Variants in MEIKIN observed in about 807,000 individuals in gnomAD.
MEIKIN encodes the protein meiotic kinetochore factor.
At chr5:131,855,072 C>A (rs1450151254) in intron 9 of MEIKIN, among the ~76,000 whole-genome samples, 3 of 152,030 alleles carry the variant, frequency 2.0e-5, no homozygotes, top group African/African-American at 7.2e-5. Flanking sequence ...TATGAGAATA[C>A]CTTGGTTGAA....
intron 5 of MEIKIN, among the ~76,000 whole-genome samples, chr5:131,928,049 C>A (rs1561757588): frequency 6.7e-6 from 1 of 149,438 alleles, no homozygotes; most frequent in African/African-American, 2.5e-5. Context: ...GAGGCTGAGG[C>A]AGGAGAATGG....
intron 11 of MEIKIN, among the ~76,000 whole-genome samples, chr5:131,835,232 ATG>A (rs1749785535): frequency 7.4e-6 from 1 of 134,600 alleles, no homozygotes; most frequent in Admixed American, 7.0e-5. Context: ...GTGTATATAT[ATG>A]TATATATGTG....
intron 2 of MEIKIN, 53 bp from the exon 3 acceptor site, chr5:131,944,805 G>A (rs1751933636): frequency 5.0e-6 from 2 of 398,862 alleles, no homozygotes; most frequent in East Asian, 3.6e-5. Flanking sequence ...GGCTCTCCAC[G>A]TCTCTGTTCA....
At chr5:131,852,521 T>C (rs1286125726) in intron 10 of MEIKIN, among the ~76,000 whole-genome samples, 5 of 152,158 alleles carry the variant, frequency 3.3e-5, no homozygotes, top group African/African-American at 1.2e-4. Flanking sequence ...ATAACATAGA[T>C]GAATTTTTAA....
In MEIKIN at chr5:131,820,714, A is replaced by G. The variant is rs115401617; in HGVS notation, c.976-1851T>C. 3.4e-3 allele frequency among the ~76,000 whole-genome samples: 516 copies of G among 152,326 alleles called. 4 individuals carry two copies. Among genetic ancestry groups the G allele is most frequent in the African/African-American group, 0.012 (491 of 41,578 alleles). ...TCACATTACTTGTATTGGTCTATAC[A>G]GGTTTTTGATTGATGGTTCAATCTT... On this transcript the variant is annotated intron_variant, in intron 11 of 12. Transcript: ENST00000442687.
intron 5 of MEIKIN, among the ~76,000 whole-genome samples, chr5:131,932,363 C>G (rs1225831081): frequency 6.6e-6 from 1 of 152,184 alleles, no homozygotes; most frequent in East Asian, 1.9e-4. Context: ...ATCTGCAGAT[C>G]AGCTGGGGCA....
chr5:131,814,951 T>C (rs983913666), intron 12 of MEIKIN, among the ~76,000 whole-genome samples: 1 of 152,174 alleles, frequency 6.6e-6, no homozygotes, highest in Non-Finnish European at 1.5e-5. Context: ...TATGGCACTA[T>C]TCCTCTGGGT....
rs138693853 is a variant in MEIKIN, at chr5:131,832,142, G to A, written c.976-13279C>T. ...ATCTGAGACAAGGCAAGTCCCTTCC[G>A]CCTATGAGCCTCTAAAATCAAAAGA... is the stretch of plus-strand genomic sequence containing the variant. On this transcript the variant is annotated intron_variant, in intron 11 of 12. Transcript: ENST00000442687. Among the ~76,000 whole-genome samples the A allele has an allele frequency of 5.2e-3, 787 of 152,108 alleles. 4 individuals carry two copies. Among genetic ancestry groups the A allele is most frequent in the African/African-American group, 0.017 (718 of 41,500 alleles).
chr5:131,864,127 ATCTTT>A (rs1750341527), intron 9 of MEIKIN, among the ~76,000 whole-genome samples: 1 of 152,172 alleles, frequency 6.6e-6, no homozygotes, highest in African/African-American at 2.4e-5. Context: ...GCCAGTCTAT[ATCTTT>A]TAAGTAGAGA....
intron 12 of MEIKIN, among the ~76,000 whole-genome samples, chr5:131,815,091 T>C (rs1469061158): frequency 6.7e-6 from 1 of 149,600 alleles, no homozygotes; most frequent in Non-Finnish European, 1.5e-5. Flanking sequence ...AAAATTGTCA[T>C]CCATGGTCTC....
rs1466618204 is a variant in MEIKIN at position 131,899,738 on chromosome 5, T to C, written c.703+12077A>G. Among the ~76,000 whole-genome samples, 3 of 152,118 alleles carry C rather than the reference T, an allele frequency of 2.0e-5. No homozygotes were observed. The East Asian group carries it at 5.8e-4, about 29-fold the overall frequency. On this transcript the variant is annotated intron_variant, in intron 8 of 12. Transcript: ENST00000442687. ...TCAAGACAAAGAAGGTTATATATAATGATAAAGGGGTCAATTCAGCAAGAA... is the reference window on the plus strand; with the variant it reads ...TCAAGACAAAGAAGGTTATATATAACGATAAAGGGGTCAATTCAGCAAGAA...
At chr5:131,904,879 A>C (rs2149640560) in intron 8 of MEIKIN, among the ~76,000 whole-genome samples, 1 of 152,312 alleles carries the variant, frequency 6.6e-6, no homozygotes, top group South Asian at 2.1e-4. Context: ...TTCTCAGCAA[A>C]CTGACACAGA....
chr5:131,818,776 T>A lies in MEIKIN; in HGVS notation c.1063A>T (p.Lys355Ter). The change falls in exon 12 of 13, where the codon AAG becomes TAG. Residue 355 changes from lysine to a stop codon, truncating the protein, a stop_gained. Coordinates refer to ENST00000442687, the MANE Select transcript of MEIKIN (RefSeq NM_001303622.2). LOFTEE classifies it high-confidence loss of function. The stretch of plus-strand genomic sequence containing the variant: ...TCCTTAGGAAGAGAATATTTCTTCT[T>A]CTTTACAATAACACCTTTATTTTTC... ...QVKNKGVIVK[K>*]KKYSLPKDTP... 2.5e-6 allele frequency: 1 copy of A among 398,212 alleles called. No homozygotes were observed. Among genetic ancestry groups the A allele is most frequent in the Non-Finnish European group, 4.4e-6 (1 of 225,842 alleles). The allele number at this position is 398,212 out of a possible 1,614,324, so 24.7% of individuals were successfully genotyped here. A position where few individuals can be genotyped will look rare whatever the true frequency, so the allele number is the denominator to read the frequency against.
At chr5:131,836,074 CT>C (rs1342665656) in intron 11 of MEIKIN, among the ~76,000 whole-genome samples, 3 of 152,074 alleles carry the variant, frequency 2.0e-5, no homozygotes, top group Non-Finnish European at 4.4e-5. Context: ...TAAAAGGCCC[CT>C]GTGTTGTTCC....
intron 7 of MEIKIN, among the ~76,000 whole-genome samples, chr5:131,914,016 T>C (rs1751369701): frequency 6.6e-6 from 1 of 151,996 alleles, no homozygotes; most frequent in Non-Finnish European, 1.5e-5. Context: ...CATTCATGGA[T>C]TAATGGAGTA....
At chr5:131,933,707 T>C (rs1272968629) in intron 4 of MEIKIN, 66 bp from the exon 5 acceptor site, 2 of 394,950 alleles carry the variant, frequency 5.1e-6, no homozygotes, top group East Asian at 3.6e-5. Flanking sequence ...ATCCTAAAAA[T>C]TGAAATGTAT....
intron 11 of MEIKIN, among the ~76,000 whole-genome samples, chr5:131,836,430 G>A (rs1235963050): frequency 6.6e-6 from 1 of 152,166 alleles, no homozygotes; most frequent in East Asian, 1.9e-4. Context: ...AAATTGCTGG[G>A]TCGAATGGTA....
chr5:131,868,876 C>T (rs946530742), intron 9 of MEIKIN, among the ~76,000 whole-genome samples: 1 of 152,192 alleles, frequency 6.6e-6, no homozygotes, highest in Non-Finnish European at 1.5e-5. Context: ...TGTTGGTTTA[C>T]AATCTTTTAT....
intron 9 of MEIKIN, among the ~76,000 whole-genome samples, chr5:131,871,002 T>A (rs1229343206): frequency 6.6e-6 from 1 of 151,996 alleles, no homozygotes; most frequent in Non-Finnish European, 1.5e-5. Flanking sequence ...AGCTATAAAA[T>A]AGGTAAAAAC....
Sources: allele counts gnomAD v4.1 joint callset (sites outside exome capture counted in the v4.1 genomes callset), GRCh38; gene constraint gnomAD v4.1.1; transcripts MANE v1.5; gene names NCBI Gene and HGNC (gene_info 2026-07-23, HGNC 2026-07-21).